The following MALRD1 variants were observed in gnomAD, a reference collection of about 807,000 sequenced individuals.
MALRD1 encodes MAM and LDL receptor class A domain containing 1.
MALRD1 carries 247 observed loss-of-function variants against 242.1 expected under a neutral mutation model. The observed-to-expected ratio is 1.02, with a 90% CI of 0.92 to 1.13. The LOEUF is 1.13. Among genes scored for constraint, MALRD1 ranks in the 50% most tolerant of loss-of-function variants. MALRD1 has a pLI of 0.00. For missense variants in MALRD1, 2,989 were observed against 2,533.1 expected, an observed-to-expected ratio of 1.18 and a Z score of -3.86; for synonymous variants, 995 against 866.6, an observed-to-expected ratio of 1.15 and a Z score of -2.60.
chr10:19,241,628 T>C (rs1391469094), intron 18 of MALRD1, among the ~76,000 whole-genome samples: 3 of 152,120 alleles, frequency 2.0e-5, no homozygotes, highest in Admixed American at 6.5e-5. Flanking sequence ...TCTAGTTACT[T>C]GAAGTGTATA....
rs1836736511 is a variant in MALRD1 at position 19,205,289 on chromosome 10, TTC to T, written c.2578+28_2578+29del. 3 of 1,511,958 alleles carry T rather than the reference TTC, an allele frequency of 2.0e-6. No individual in the cohort carries two copies. In the South Asian group the frequency reaches 3.8e-5, roughly 19 times the overall value. The allele number at this position is 1,511,958 out of a possible 1,614,324, so 93.7% of individuals were successfully genotyped here. On this transcript the variant is annotated intron_variant, in intron 17 of 39. Coordinates refer to ENST00000454679, the MANE Select transcript of MALRD1 (RefSeq NM_001142308.3). ...TGGTAAGTTCTTTTTGGTTGGGGGA[TTC>T]TCTTTCTCATTTTGAAAGTGTTGAC...
intron 1 of MALRD1, among the ~76,000 whole-genome samples, chr10:19,061,998 G>A (rs913134556): frequency 1.3e-5 from 2 of 151,480 alleles, no homozygotes; most frequent in Non-Finnish European, 2.9e-5. Context: ...CCACAGAGTA[G>A]TAGAAAATAT....
chr10:19,116,608 A>G (rs918463946), intron 5 of MALRD1, among the ~76,000 whole-genome samples: 1 of 152,142 alleles, frequency 6.6e-6, no homozygotes, highest in African/African-American at 2.4e-5. Flanking sequence ...AGTCGGGACA[A>G]TTTCATTTAA....
intron 19 of MALRD1, among the ~76,000 whole-genome samples, chr10:19,264,930 T>C (rs1344631306): frequency 1.3e-5 from 2 of 152,218 alleles, no homozygotes; most frequent in Non-Finnish European, 2.9e-5. Flanking sequence ...TCATTACTCA[T>C]AATTCATCTG....
intron 10 of MALRD1, among the ~76,000 whole-genome samples, chr10:19,138,570 G>A (rs1157341180): frequency 6.6e-6 from 1 of 151,684 alleles, no homozygotes; most frequent in Non-Finnish European, 1.5e-5. Flanking sequence ...ACAAGCATGT[G>A]CCACCATACC....
intron 36 of MALRD1, among the ~76,000 whole-genome samples, chr10:19,689,015 A>G (rs949975728): frequency 3.3e-5 from 5 of 152,258 alleles, no homozygotes; most frequent in African/African-American, 1.2e-4. Flanking sequence ...AGGAAAGAAA[A>G]GCAACAGCAA....
chr10:19,117,443 T>C (rs1405974887), intron 5 of MALRD1, among the ~76,000 whole-genome samples: 1 of 150,892 alleles, frequency 6.6e-6, no homozygotes. Context: ...ATAGTACTTC[T>C]GGGTTTTTTT....
intron 38 of MALRD1, chr10:19,721,860 A>G (rs1446652060): frequency 6.6e-6 from 1 of 152,288 alleles, no homozygotes; most frequent in African/African-American, 2.4e-5. Flanking sequence ...AAGGAATGGA[A>G]AAAAACAGAG....
intron 11 of MALRD1, 99 bp downstream of exon 11, chr10:19,146,443 C>A: frequency 1.9e-6 from 2 of 1,042,410 alleles, no homozygotes; most frequent in Non-Finnish European, 2.4e-6. Context: ...AGACTGTATA[C>A]ATGGAACTCT....
chr10:19,135,208 G>A (rs1281361370), intron 9 of MALRD1, among the ~76,000 whole-genome samples: 1 of 152,164 alleles, frequency 6.6e-6, no homozygotes, highest in East Asian at 1.9e-4. Context: ...AGGCTGGAGT[G>A]CAGTGATGGG....
At chr10:19,278,443 GTCCA>G (rs150208541) in intron 19 of MALRD1, among the ~76,000 whole-genome samples, 2,279 of 149,150 alleles carry the variant, frequency 0.015, 41 homozygotes, top group African/African-American at 0.044. Context: ...TCATTCATCT[GTCCA>G]TCCATCCATC....
intron 38 of MALRD1, among the ~76,000 whole-genome samples, chr10:19,717,714 T>C (rs1834454344): frequency 6.6e-6 from 1 of 152,122 alleles, no homozygotes; most frequent in Admixed American, 6.5e-5. Context: ...TGGGTTGCTA[T>C]AAAGAAATAC....
At chr10:19,144,479 TG>T (rs1362509648) in intron 10 of MALRD1, among the ~76,000 whole-genome samples, 1 of 152,230 alleles carries the variant, frequency 6.6e-6, no homozygotes, top group East Asian at 1.9e-4. Context: ...TTTTAAGAGT[TG>T]ACATGTCAGT....
At chr10:19,329,911 C>T (rs901657265) in intron 23 of MALRD1, among the ~76,000 whole-genome samples, 3 of 152,066 alleles carry the variant, frequency 2.0e-5, no homozygotes, top group Non-Finnish European at 1.5e-5. Flanking sequence ...GAGATTGTAC[C>T]TATATGGCAG....
chr10:19,669,499 G>T (rs567137669), intron 36 of MALRD1, among the ~76,000 whole-genome samples: 1 of 152,110 alleles, frequency 6.6e-6, no homozygotes, highest in Non-Finnish European at 1.5e-5. Flanking sequence ...AAGGGACAGG[G>T]AGTTTTGGAA....
chr10:19,100,764 A>G (rs992731167), intron 4 of MALRD1, among the ~76,000 whole-genome samples: 1 of 152,124 alleles, frequency 6.6e-6, no homozygotes, highest in African/African-American at 2.4e-5. Context: ...TAAGTTTCTG[A>G]TTTATCAACC....
intron 18 of MALRD1, among the ~76,000 whole-genome samples, chr10:19,243,251 T>C (rs1476922342): frequency 6.6e-6 from 1 of 151,960 alleles, no homozygotes; most frequent in Non-Finnish European, 1.5e-5. Context: ...TTACATTACA[T>C]CTTTATGAAT....
At chr10:19,686,479 T>C (rs7909654) in intron 36 of MALRD1, among the ~76,000 whole-genome samples, 125,566 of 152,140 alleles carry the variant, frequency 0.83, 52,558 homozygotes, top group Non-Finnish European at 0.89. Flanking sequence ...GTTTTGCTTC[T>C]TAGTGTGCAC....
intron 31 of MALRD1, among the ~76,000 whole-genome samples, chr10:19,528,003 C>G (rs1164070285): frequency 3.3e-5 from 5 of 152,096 alleles, no homozygotes; most frequent in African/African-American, 1.2e-4. Context: ...CAGGTGCAGT[C>G]TAGGTATATT....
Sources: gnomAD v4.1 joint callset for allele counts (sites outside exome capture counted in the v4.1 genomes callset) on GRCh38, gnomAD v4.1.1 for gene constraint, MANE v1.5 for transcripts, NCBI Gene and HGNC (gene_info 2026-07-23, HGNC 2026-07-21) for gene names.